The following TAF3 variants were observed in gnomAD, a reference collection of about 807,000 sequenced individuals.
TAF3 encodes transcription initiation factor TFIID subunit 3.
TAF3 carries 7 observed loss-of-function variants against 80.6 expected under a neutral mutation model. The ratio of observed to expected loss-of-function variants is 0.09; its 90% confidence interval spans 0.05 to 0.16. TAF3 has a LOEUF of 0.16. TAF3 is among the 10% of genes least tolerant of loss of function. The pLI, the probability that TAF3 is intolerant of heterozygous loss-of-function variation, is 1.00. For synonymous variants in TAF3, 444 were observed against 446.1 expected, an observed-to-expected ratio of 1.00 and a Z score of 0.06; for missense variants, 921 against 1,140.2, an observed-to-expected ratio of 0.81 and a Z score of 2.77.
chr10:7,874,827 A>G (rs1837299699), intron 2 of TAF3, among the ~76,000 whole-genome samples: 1 of 151,924 alleles, frequency 6.6e-6, no homozygotes, highest in South Asian at 2.1e-4. Flanking sequence ...TCTTAGCTGT[A>G]TGTATCATGT....
chr10:7,970,091 G>A (rs985548060), intron 3 of TAF3, among the ~76,000 whole-genome samples: 4 of 152,196 alleles, frequency 2.6e-5, no homozygotes, highest in East Asian at 1.9e-4. Flanking sequence ...AAGATAAGTA[G>A]AGGACTACAA....
At position 7,883,297 on chromosome 10, in the gene TAF3, T is replaced by C. The variant is rs138736424; in HGVS notation, c.409+58737T>C. Among the ~76,000 whole-genome samples, 413 of 152,346 alleles carry C rather than the reference T, an allele frequency of 2.7e-3. 4 individuals are homozygous for C. Among genetic ancestry groups the C allele is most frequent in the African/African-American group, 9.6e-3 (400 of 41,590 alleles). On this transcript the variant is annotated intron_variant, in intron 2 of 6. Coordinates refer to ENST00000344293, the MANE Select transcript of TAF3 (RefSeq NM_031923.4). The stretch of plus-strand genomic sequence containing the variant: ...ACTTTGGAAGAGAACAAACTAGTTA[T>C]TTTGTTAAATGTCTCTCCATTTGGG...
intron 4 of TAF3, among the ~76,000 whole-genome samples, chr10:7,985,600 A>G (rs1329549135): frequency 6.6e-6 from 1 of 152,158 alleles, no homozygotes; most frequent in African/African-American, 2.4e-5. Context: ...AAACTTTTCT[A>G]CAGCTTCTTG....
intron 2 of TAF3, chr10:7,833,805 G>A: frequency 7.2e-6 from 3 of 415,248 alleles, no homozygotes; most frequent in African/African-American, 2.1e-5. Context: ...CAGCTGGGTG[G>A]CCAATTGCAG....
At chr10:8,010,645 G>A (rs1284824291) in intron 5 of TAF3, among the ~76,000 whole-genome samples, 2 of 152,196 alleles carry the variant, frequency 1.3e-5, no homozygotes, top group Non-Finnish European at 1.5e-5. Context: ...AGTGGCTTAC[G>A]CCTGTAATCC....
intron 2 of TAF3, among the ~76,000 whole-genome samples, chr10:7,912,876 C>T (rs745977324): frequency 6.6e-5 from 10 of 152,106 alleles, no homozygotes; most frequent in Non-Finnish European, 1.2e-4. Flanking sequence ...TGCTGGTTAC[C>T]TTCACCTGTT....
intron 2 of TAF3, among the ~76,000 whole-genome samples, chr10:7,848,645 T>C (rs189329282): frequency 3.0e-4 from 45 of 152,320 alleles, no homozygotes; most frequent in African/African-American, 1.0e-3. Flanking sequence ...TTCTTAAAGT[T>C]CAGCCTCAAA....
intron 2 of TAF3, among the ~76,000 whole-genome samples, chr10:7,892,840 G>A (rs1029428387): frequency 1.4e-4 from 20 of 143,018 alleles, no homozygotes; most frequent in Admixed American, 7.1e-5. Context: ...TTTTTGAGAC[G>A]GAGTTTCTCT....
intron 2 of TAF3, among the ~76,000 whole-genome samples, chr10:7,898,889 A>C (rs1488137622): frequency 6.6e-6 from 1 of 151,942 alleles, no homozygotes; most frequent in Non-Finnish European, 1.5e-5. Flanking sequence ...CTTGCGAGTG[A>C]GGCACTCAAA....
rs146382060 is a variant in TAF3, at chr10:7,853,648, A to G, written c.409+29088A>G. Among the ~76,000 whole-genome samples the G allele has an allele frequency of 2.0e-5, 3 of 152,378 alleles. No individual in the cohort carries two copies. The East Asian group carries it at 5.8e-4, about 29-fold the overall frequency. ...TTTGCTTTAGATTAAACTAGAGGTC[A>G]GCAAACTGCCTGGCCTGCAGCCTGA... On this transcript the variant is annotated intron_variant, in intron 2 of 6. Coordinates refer to ENST00000344293, the MANE Select transcript of TAF3 (RefSeq NM_031923.4).
chr10:7,833,210 G>T (rs987047385), intron 2 of TAF3, among the ~76,000 whole-genome samples: 1 of 152,150 alleles, frequency 6.6e-6, no homozygotes, highest in Non-Finnish European at 1.5e-5. Flanking sequence ...CAAATCTTTT[G>T]GGTAAATACT....
intron 2 of TAF3, chr10:7,833,764 A>C (rs1836824255): frequency 7.2e-6 from 2 of 279,270 alleles, no homozygotes; most frequent in South Asian, 1.8e-4. Flanking sequence ...TCCTTCTCAT[A>C]GACATTCTGG....
intron 3 of TAF3, among the ~76,000 whole-genome samples, chr10:7,975,960 G>C (rs1333505224): frequency 6.6e-6 from 1 of 152,070 alleles, no homozygotes; most frequent in Non-Finnish European, 1.5e-5. Flanking sequence ...TTACAACAAA[G>C]AACCATCCCA....
At position 7,965,102 on chromosome 10, in the gene TAF3, C is replaced by T; in HGVS notation, c.1592C>T (p.Thr531Ile). 1 of 1,613,256 alleles carries T rather than the reference C, an allele frequency of 6.2e-7. No individual in the cohort carries two copies. The highest frequency in any genetic ancestry group is 8.5e-7 in the Non-Finnish European group (1 of 1,179,876). The change falls in exon 3 of 7, where the codon ACT becomes ATT. Residue 531 changes from threonine (T) to isoleucine (I), a missense_variant. Physicochemically the swap from Thr to Ile is moderately conservative, Grantham distance 89. Around this residue, in one of 6 missense-constraint regions of TAF3, gnomAD observed 743 missense variants for 821.0 expected, o/e 0.90. Coordinates refer to ENST00000344293, the MANE Select transcript of TAF3 (RefSeq NM_031923.4). ...AAGAAGTTGAAAAAGGAACTAAAGA[C>T]TAAAATGAAAAAGAAAGAAAAGCAG... ...VKKKLKKELK[T>I]KMKKKEKQRD...
intron 2 of TAF3, among the ~76,000 whole-genome samples, chr10:7,878,786 C>T (rs912645901): frequency 7.2e-5 from 11 of 151,802 alleles, no homozygotes; most frequent in African/African-American, 2.2e-4. Flanking sequence ...TGGAGTGGAG[C>T]GGCATGATTG....
chr10:7,898,189 G>A (rs868491849), intron 2 of TAF3, among the ~76,000 whole-genome samples: 4 of 152,048 alleles, frequency 2.6e-5, no homozygotes, highest in South Asian at 2.1e-4. Flanking sequence ...TTTTTTAAAC[G>A]TAAATAGGAC....
intron 2 of TAF3, among the ~76,000 whole-genome samples, chr10:7,947,022 A>T (rs1320671225): frequency 6.6e-6 from 1 of 152,172 alleles, no homozygotes; most frequent in Non-Finnish European, 1.5e-5. Context: ...TCAGCCTCCC[A>T]AAGTGCTGGC....
intron 2 of TAF3, among the ~76,000 whole-genome samples, chr10:7,862,493 A>G (rs1837158023): frequency 6.6e-6 from 1 of 152,130 alleles, no homozygotes; most frequent in South Asian, 2.1e-4. Context: ...TTTCTGGACT[A>G]TTATCTTTAT....
chr10:7,850,079 G>A (rs1169212110), intron 2 of TAF3, among the ~76,000 whole-genome samples: 1 of 152,200 alleles, frequency 6.6e-6, no homozygotes, highest in East Asian at 1.9e-4. Flanking sequence ...TTAAAATATA[G>A]ATCCTCGTAT....
Sources: allele counts gnomAD v4.1 joint callset (sites outside exome capture counted in the v4.1 genomes callset), GRCh38; gene constraint gnomAD v4.1.1; regional missense constraint gnomAD v4.1.1; transcripts MANE v1.5; gene names NCBI Gene and HGNC (gene_info 2026-07-23, HGNC 2026-07-21).